ARMH3: variants seen among roughly 807,000 people sequenced by gnomAD.
The protein encoded by ARMH3 is armadillo like helical domain containing 3.
In ARMH3, 60 loss-of-function variants were observed where a neutral mutation model predicts 99.1. The ratio of observed to expected loss-of-function variants is 0.61; its 90% CI spans 0.49 to 0.75. The LOEUF is 0.75. Ranked by LOEUF, ARMH3 falls within the 30% of genes least tolerant of loss-of-function variation. The probability of loss-of-function intolerance (pLI) is 0.00; values close to 1 mark genes in which losing one functional copy is unlikely to be tolerated. For missense variants in ARMH3, 679 were observed against 843.1 expected, an observed-to-expected ratio of 0.81 and a Z score of 2.41; for synonymous variants, 285 against 292.8, an observed-to-expected ratio of 0.97 and a Z score of 0.27.
intron 8 of ARMH3, among the ~76,000 whole-genome samples, chr10:102,020,441 C>T (rs1416940232): frequency 6.6e-6 from 1 of 151,946 alleles, no homozygotes; most frequent in Non-Finnish European, 1.5e-5. Context: ...CTTTGGGAGG[C>T]CGAGGCGGGT....
chr10:101,986,487 A>G (rs2135982669), intron 19 of ARMH3, among the ~76,000 whole-genome samples: 1 of 150,542 alleles, frequency 6.6e-6, no homozygotes, highest in Non-Finnish European at 1.5e-5. Flanking sequence ...TTCCCCCATC[A>G]TTACCTACAG....
At chr10:101,877,235 C>T (rs908109289) in intron 24 of ARMH3, among the ~76,000 whole-genome samples, 1 of 151,878 alleles carries the variant, frequency 6.6e-6, no homozygotes, top group African/African-American at 2.4e-5. Flanking sequence ...TCCGGGAGCT[C>T]GAGGTTGCAG....
chr10:101,942,396 T>C (rs1334118724), intron 22 of ARMH3, among the ~76,000 whole-genome samples: 1 of 152,240 alleles, frequency 6.6e-6, no homozygotes, highest in Non-Finnish European at 1.5e-5. Flanking sequence ...ATTTTAATTA[T>C]TTTCTATGCT....
chr10:101,975,106 C>A (rs2135923612), intron 20 of ARMH3, 106 bp downstream of exon 20: 14 of 408,760 alleles, frequency 3.4e-5, no homozygotes, highest in East Asian at 5.6e-5. Flanking sequence ...TAAAGGCAAC[C>A]TAAACAAACC....
intron 11 of ARMH3, among the ~76,000 whole-genome samples, chr10:102,010,584 T>C (rs536160071): frequency 4.6e-5 from 7 of 152,320 alleles, no homozygotes; most frequent in African/African-American, 1.7e-4. Context: ...AATAAGTAAA[T>C]GGAGTAGGCT....
Position 101,958,991 on chromosome 10 carries a change from TA to T in ARMH3, c.1496-1260del, listed in dbSNP as rs199926931. On this transcript the variant is annotated intron_variant, in intron 20 of 25. Transcript: ENST00000370033. ...AAGCCTGAATCTTCCCCTCAAATAG[TA>T]AAAAAAAGCCTTGCCAGGCATGAAG... Among the ~76,000 whole-genome samples, 1,427 of 151,824 alleles carry T rather than the reference TA, an allele frequency of 9.4e-3. 18 individuals are homozygous for T. The highest frequency in any genetic ancestry group is 0.033 in the African/African-American group (1,353 of 41,366).
rs542382012 is a variant in ARMH3 at position 101,873,231 on chromosome 10, G to A, written c.1860+16181C>T. 9.4e-5 allele frequency among the ~76,000 whole-genome samples: 14 copies of A among 149,422 alleles called. No homozygotes were observed. In the East Asian group the frequency reaches 2.8e-3, roughly 30 times the overall value. ...AGCCTGACCAACATAGTGAAACCCC[G>A]TCTCTACTAAAAATACAAAAAAAAA... On this transcript the variant is annotated intron_variant, in intron 24 of 25. Transcript: ENST00000370033.
intron 1 of ARMH3, among the ~76,000 whole-genome samples, chr10:102,050,548 CAA>C (rs2067675961): frequency 6.6e-6 from 1 of 152,100 alleles, no homozygotes; most frequent in Non-Finnish European, 1.5e-5. Flanking sequence ...TCCATAATAT[CAA>C]CACTCCCATT....
intron 2 of ARMH3, among the ~76,000 whole-genome samples, chr10:102,037,024 C>T (rs1230978151): frequency 3.3e-5 from 5 of 151,706 alleles, no homozygotes; most frequent in Admixed American, 1.3e-4. Flanking sequence ...TGCACTCCAG[C>T]TTGGGCGACA....
chr10:102,001,678 A>AGTCT (rs1207019771), intron 15 of ARMH3, among the ~76,000 whole-genome samples: 7 of 152,178 alleles, frequency 4.6e-5, no homozygotes, highest in African/African-American at 1.7e-4. Context: ...CACACATAAG[A>AGTCT]GTCTGCATCT....
At chr10:101,946,252 T>TAACTATGC (rs1235872974) in intron 22 of ARMH3, among the ~76,000 whole-genome samples, 53 of 152,266 alleles carry the variant, frequency 3.5e-4, no homozygotes, top group East Asian at 1.3e-3. Context: ...GCAGTTATCA[T>TAACTATGC]AACTATGCTC....
chr10:101,852,371 A>G (rs552213622), intron 24 of ARMH3, among the ~76,000 whole-genome samples: 2 of 152,350 alleles, frequency 1.3e-5, no homozygotes, highest in African/African-American at 4.8e-5. Flanking sequence ...TCCTATCCCA[A>G]TAAAGCTGGC....
intron 14 of ARMH3, among the ~76,000 whole-genome samples, chr10:102,005,534 T>C (rs559975257): frequency 6.6e-6 from 1 of 152,220 alleles, no homozygotes; most frequent in South Asian, 2.1e-4. Context: ...CCACGGGTGG[T>C]ATATGAAAAC....
chr10:101,895,516 T>C (rs546570115), intron 23 of ARMH3, among the ~76,000 whole-genome samples: 64 of 152,258 alleles, frequency 4.2e-4, no homozygotes, highest in Admixed American at 3.5e-3. Context: ...CCTGACCTCA[T>C]GATCCGCCTG....
rs746409052 is a variant in ARMH3, at chr10:101,939,935, A to G, written c.1709T>C (p.Leu570Pro). 4 of 1,613,382 alleles carry G rather than the reference A, an allele frequency of 2.5e-6. No individual in the cohort carries two copies. The Admixed American group carries it at 6.7e-5, about 27-fold the overall frequency. ...QSFDNLYSMV[L>P]RLSTNAGQWK... ...CTGGCCTGCATTGGTAGAAAGCCTC[A>G]GGACTGCAAAGAAGGAAAGAACACA... is the stretch of plus-strand genomic sequence containing the variant. The change falls in exon 23 of 26, where the codon CTG becomes CCG. Residue 570 changes from leucine to proline, a missense_variant. By Grantham distance (98) the Leu-to-Pro change is moderately conservative. Coordinates refer to ENST00000370033, the MANE Select transcript of ARMH3 (RefSeq NM_024541.3).
At chr10:101,893,379 T>G (rs983857833) in intron 23 of ARMH3, among the ~76,000 whole-genome samples, 32 of 152,188 alleles carry the variant, frequency 2.1e-4, no homozygotes, top group African/African-American at 7.2e-4. Flanking sequence ...TCCTTACATT[T>G]CTTAGGAAAT....
intron 2 of ARMH3, among the ~76,000 whole-genome samples, chr10:102,036,316 C>G (rs796792536): frequency 6.6e-6 from 1 of 151,782 alleles, no homozygotes; most frequent in South Asian, 2.1e-4. Context: ...CTCTGCCCGG[C>G]CGCCCCTTCT....
chr10:101,985,112 C>CAT (rs1554883043), intron 19 of ARMH3, among the ~76,000 whole-genome samples: 4 of 145,338 alleles, frequency 2.8e-5, no homozygotes, highest in Admixed American at 6.9e-5. Context: ...CACACACACA[C>CAT]GTGTACATAT....
chr10:102,047,014 G>A (rs1288823700), intron 1 of ARMH3, among the ~76,000 whole-genome samples: 1 of 152,164 alleles, frequency 6.6e-6, no homozygotes, highest in Non-Finnish European at 1.5e-5. Context: ...TGTAAATGTA[G>A]GTAATAGTAA....
Sources: gnomAD v4.1 joint callset for allele counts (sites outside exome capture counted in the v4.1 genomes callset) on GRCh38, gnomAD v4.1.1 for gene constraint, MANE v1.5 for transcripts, NCBI Gene and HGNC (gene_info 2026-07-23, HGNC 2026-07-21) for gene names.